The following WWOX variants were observed in gnomAD, a reference collection of about 807,000 sequenced individuals.
WWOX encodes the protein WW domain containing oxidoreductase.
In WWOX, 69 loss-of-function variants were observed where a neutral mutation model predicts 46.2. The observed-to-expected ratio is 1.49, with a 90% CI of 1.23 to 1.82. WWOX has a LOEUF of 1.82. Among genes scored for constraint, WWOX ranks in the 40% most tolerant of loss-of-function variants. WWOX has a pLI of 0.00. For missense variants in WWOX, 919 were observed against 542.6 expected, an observed-to-expected ratio of 1.69 and a Z score of -6.89; for synonymous variants, 359 against 202.6, an observed-to-expected ratio of 1.77 and a Z score of -6.56.
intron 8 of WWOX, among the ~76,000 whole-genome samples, chr16:78,797,265 G>C (rs1253736361): frequency 6.8e-6 from 1 of 146,480 alleles, no homozygotes; most frequent in Admixed American, 7.1e-5. Context: ...TCTCAAGTCA[G>C]CCACCTCTGA....
intron 8 of WWOX, among the ~76,000 whole-genome samples, chr16:78,887,517 AC>A (rs1555559756): frequency 2.2e-5 from 3 of 137,396 alleles, no homozygotes; most frequent in African/African-American, 8.1e-5. Context: ...ACACACACAC[AC>A]AAGAAATGAC....
chr16:78,829,890 C>G (rs999311032), intron 8 of WWOX, among the ~76,000 whole-genome samples: 1 of 152,078 alleles, frequency 6.6e-6, no homozygotes, highest in African/African-American at 2.4e-5. Context: ...CCAGAGCAAC[C>G]CCGCCTCTTC....
chr16:78,721,886 G>T (rs1228492435), intron 8 of WWOX, among the ~76,000 whole-genome samples: 3 of 152,242 alleles, frequency 2.0e-5, no homozygotes, highest in East Asian at 1.9e-4. Context: ...GTAGGAGCTG[G>T]AATTGTCGAT....
intron 5 of WWOX, among the ~76,000 whole-genome samples, chr16:78,189,092 G>A (rs4888761): frequency 0.35 from 53,120 of 151,904 alleles, 9,774 homozygotes; most frequent in East Asian, 0.52. Context: ...GGCTGAGAAC[G>A]TGCAGCTCAT....
chr16:78,314,126 G>A (rs1355003055), intron 5 of WWOX, among the ~76,000 whole-genome samples: 1 of 152,078 alleles, frequency 6.6e-6, no homozygotes, highest in Non-Finnish European at 1.5e-5. Flanking sequence ...TACAGGAGAG[G>A]CCGGGCACGA....
At chr16:79,060,154 G>C (rs923862396) in intron 8 of WWOX, among the ~76,000 whole-genome samples, 1 of 152,174 alleles carries the variant, frequency 6.6e-6, no homozygotes, top group African/African-American at 2.4e-5. Flanking sequence ...TTGGGCAGTG[G>C]GGGTGGGGAG....
rs147184800 is a variant in WWOX at position 78,961,749 on chromosome 16, A to G, written c.1057-249859A>G. Among the ~76,000 whole-genome samples, 1,396 of 152,210 alleles carry G rather than the reference A, an allele frequency of 9.2e-3. 24 individuals carry two copies. Among genetic ancestry groups the G allele is most frequent in the African/African-American group, 0.033 (1,351 of 41,522 alleles). Reference sequence around the variant, plus strand: ...TCTGGTTCAGTAAGTCTGAGGAGGAACTTGGGGAACTTTATCTTTTAAACA... The same window carrying G: ...TCTGGTTCAGTAAGTCTGAGGAGGAGCTTGGGGAACTTTATCTTTTAAACA... On this transcript the variant is annotated intron_variant, in intron 8 of 8. Transcript: ENST00000566780.
chr16:78,612,326 G>A (rs1008548811), intron 8 of WWOX, among the ~76,000 whole-genome samples: 4 of 152,340 alleles, frequency 2.6e-5, no homozygotes, highest in Admixed American at 6.5e-5. Flanking sequence ...AGGTAGACAA[G>A]CTCTTTGTGT....
At chr16:78,889,919 C>T (rs950764255) in intron 8 of WWOX, among the ~76,000 whole-genome samples, 1 of 152,116 alleles carries the variant, frequency 6.6e-6, no homozygotes, top group African/African-American at 2.4e-5. Context: ...ATAAGTCACC[C>T]AAATTGTTGG....
chr16:78,621,039 G>A (rs1056839409), intron 8 of WWOX, among the ~76,000 whole-genome samples: 1 of 152,104 alleles, frequency 6.6e-6, no homozygotes, highest in African/African-American at 2.4e-5. Context: ...TCTGTTTAAG[G>A]TAAAGCCTGT....
At chr16:78,548,237 G>T (rs1597248613) in intron 8 of WWOX, among the ~76,000 whole-genome samples, 1 of 149,526 alleles carries the variant, frequency 6.7e-6, no homozygotes, top group African/African-American at 2.5e-5. Flanking sequence ...GATATGATTT[G>T]AGCTAAGACT....
intron 8 of WWOX, among the ~76,000 whole-genome samples, chr16:78,722,856 C>A (rs893465977): frequency 7.2e-5 from 11 of 151,892 alleles, no homozygotes; most frequent in African/African-American, 2.7e-4. Flanking sequence ...GTCTGGGCAA[C>A]ATAATGAAAA....
intron 8 of WWOX, among the ~76,000 whole-genome samples, chr16:78,793,063 A>G (rs1039038768): frequency 1.3e-5 from 2 of 151,870 alleles, no homozygotes; most frequent in Admixed American, 1.3e-4. Context: ...TTATCTATAT[A>G]TCTGTATCTA....
intron 6 of WWOX, among the ~76,000 whole-genome samples, chr16:78,400,355 C>T (rs1226127947): frequency 2.0e-5 from 3 of 152,152 alleles, no homozygotes; most frequent in African/African-American, 7.2e-5. Context: ...GATTTCCCAC[C>T]TCAGATCTGA....
At chr16:78,194,365 A>G (rs1597336892) in intron 5 of WWOX, among the ~76,000 whole-genome samples, 3 of 151,602 alleles carry the variant, frequency 2.0e-5, no homozygotes, top group Admixed American at 6.6e-5. Flanking sequence ...AGGCGGGTGG[A>G]TCACCTGAGG....
intron 8 of WWOX, among the ~76,000 whole-genome samples, chr16:79,188,666 A>G (rs2051067677): frequency 6.6e-6 from 1 of 152,228 alleles, no homozygotes; most frequent in Non-Finnish European, 1.5e-5. Context: ...TCTTGGTTGC[A>G]TGTGCTGGGT....
chr16:78,347,515 C>T, intron 5 of WWOX, among the ~76,000 whole-genome samples: 1 of 118,280 alleles, frequency 8.5e-6, no homozygotes, highest in East Asian at 1.9e-4. Context: ...GACACCCACA[C>T]CTCTTGCATG....
chr16:78,486,724 C>T (rs2084646998), intron 8 of WWOX, among the ~76,000 whole-genome samples: 1 of 152,194 alleles, frequency 6.6e-6, no homozygotes, highest in Non-Finnish European at 1.5e-5. Flanking sequence ...CAGGTGCATG[C>T]CACCATGCCC....
chr16:78,631,275 A>G (rs77817179), intron 8 of WWOX, among the ~76,000 whole-genome samples: 8,247 of 152,062 alleles, frequency 0.054, 311 homozygotes, highest in South Asian at 0.13. Context: ...TCCTCACCCA[A>G]GATTCTCCGT....
Sources: allele counts gnomAD v4.1 joint callset (sites outside exome capture counted in the v4.1 genomes callset), GRCh38; gene constraint gnomAD v4.1.1; transcripts MANE v1.5; gene names NCBI Gene and HGNC (gene_info 2026-07-23, HGNC 2026-07-21).